JAZF1: variants seen among roughly 807,000 people sequenced by gnomAD.
JAZF1 encodes the protein JAZF zinc finger 1.
Under a neutral mutation model 26.4 loss-of-function variants are expected in JAZF1, and 8 were observed. That is an observed-to-expected ratio of 0.30 (90% CI 0.18 to 0.55). JAZF1 has a LOEUF of 0.55. JAZF1 is among the 20% of genes least tolerant of loss of function. JAZF1 has a pLI of 0.94. For missense variants in JAZF1, 199 were observed against 322.0 expected (o/e 0.62, Z 2.92); for synonymous variants, 126 against 122.3 (o/e 1.03, Z -0.20).
At chr7:28,093,257 T>C (rs1196604345) in intron 1 of JAZF1, among the ~76,000 whole-genome samples, 1 of 152,070 alleles carries the variant, frequency 6.6e-6, no homozygotes, top group Non-Finnish European at 1.5e-5. Context: ...GGGGGCGGTT[T>C]CCCCCATACT....
At chr7:28,107,758 G>A (rs530405712) in intron 1 of JAZF1, among the ~76,000 whole-genome samples, 5 of 152,276 alleles carry the variant, frequency 3.3e-5, no homozygotes, top group East Asian at 3.9e-4. Context: ...CACCATTTCC[G>A]TTGTTAGACA....
intron 1 of JAZF1, among the ~76,000 whole-genome samples, chr7:28,160,759 T>C (rs1313509918): frequency 1.3e-5 from 2 of 152,226 alleles, no homozygotes; most frequent in African/African-American, 4.8e-5. Flanking sequence ...TACCTCATGC[T>C]GCATCAGGTG....
rs543993434 is a variant in JAZF1 at position 27,875,316 on chromosome 7, T to C, written c.385+19904A>G. Among the ~76,000 whole-genome samples, 9 of 152,314 alleles carry C rather than the reference T, an allele frequency of 5.9e-5. No individual in the cohort carries two copies. The East Asian group carries it at 1.7e-3, about 29-fold the overall frequency. ...TCGTCCCAGCCTTACATCACTTTCC[T>C]CTTTCCTCGGCACAGCTGGAATAGA... On this transcript the variant is annotated intron_variant, in intron 3 of 4. Transcript: ENST00000283928.
chr7:27,958,042 T>C (rs1246022427), intron 2 of JAZF1, among the ~76,000 whole-genome samples: 1 of 152,180 alleles, frequency 6.6e-6, no homozygotes, highest in Admixed American at 6.5e-5. Flanking sequence ...AAATTATTAT[T>C]ATTTATCACA....
intron 1 of JAZF1, among the ~76,000 whole-genome samples, chr7:28,115,124 C>G (rs1171084271): frequency 6.6e-6 from 1 of 152,108 alleles, no homozygotes; most frequent in African/African-American, 2.4e-5. Flanking sequence ...GTAATTCTGG[C>G]AGACATGCTG....
Position 27,939,447 on chromosome 7 carries a change from C to A in JAZF1, c.189-44031G>T, listed in dbSNP as rs113130075. Among the ~76,000 whole-genome samples the A allele has an allele frequency of 8.4e-3, 1,275 of 152,298 alleles. 19 individuals carry two copies. Among genetic ancestry groups the A allele is most frequent in the African/African-American group, 0.029 (1,221 of 41,558 alleles). ...GTGGTTCCCAGGTCCTGCCATACCC[C>A]CAATACTCTGAGGGCCCCAAGCCAG... On this transcript the variant is annotated intron_variant, in intron 2 of 4. Coordinates refer to ENST00000283928, the MANE Select transcript of JAZF1 (RefSeq NM_175061.4).
At chr7:27,910,437 G>A (rs1236717149) in intron 2 of JAZF1, among the ~76,000 whole-genome samples, 2 of 152,158 alleles carry the variant, frequency 1.3e-5, no homozygotes, top group African/African-American at 4.8e-5. Flanking sequence ...TCTTGGAGGG[G>A]CCTCTGGACC....
At chr7:27,914,949 C>T in intron 2 of JAZF1, 1 of 397,856 alleles carries the variant, frequency 2.5e-6, no homozygotes, top group South Asian at 1.9e-5. Flanking sequence ...AGGATTTTAG[C>T]TGGTGAAGAA....
At chr7:28,178,599 T>C (rs1357636622) in intron 1 of JAZF1, among the ~76,000 whole-genome samples, 1 of 152,204 alleles carries the variant, frequency 6.6e-6, no homozygotes, top group Non-Finnish European at 1.5e-5. Flanking sequence ...GAACTTGAAC[T>C]AGTAACATTT....
intron 1 of JAZF1, among the ~76,000 whole-genome samples, chr7:28,057,519 A>T (rs1252668640): frequency 2.0e-5 from 3 of 152,196 alleles, no homozygotes; most frequent in African/African-American, 4.8e-5. Context: ...TGTTTTCTCT[A>T]TGAAAAGATT....
chr7:27,988,920 TAAAAA>T (rs57661404), intron 2 of JAZF1, among the ~76,000 whole-genome samples: 2 of 83,768 alleles, frequency 2.4e-5, no homozygotes, highest in African/African-American at 4.6e-5. Flanking sequence ...AGAATCTCTG[TAAAAA>T]AAAAAAAAAA....
chr7:27,847,532 G>A (rs1378232242), intron 3 of JAZF1, among the ~76,000 whole-genome samples: 1 of 152,140 alleles, frequency 6.6e-6, no homozygotes, highest in Non-Finnish European at 1.5e-5. Flanking sequence ...AATTACTGAA[G>A]AGACTATCCT....
chr7:27,893,310 T>A (rs1013803379), intron 3 of JAZF1, among the ~76,000 whole-genome samples: 1 of 152,202 alleles, frequency 6.6e-6, no homozygotes, highest in Non-Finnish European at 1.5e-5. Flanking sequence ...GACAGAGAAA[T>A]ACGTAAACTG....
At chr7:28,107,072 T>C (rs929910831) in intron 1 of JAZF1, among the ~76,000 whole-genome samples, 2 of 152,182 alleles carry the variant, frequency 1.3e-5, no homozygotes, top group Non-Finnish European at 2.9e-5. Context: ...AGCAGAAGCA[T>C]CTAAGCTTTG....
At chr7:27,905,951 CATAT>C (rs985528565) in intron 2 of JAZF1, among the ~76,000 whole-genome samples, 5 of 152,214 alleles carry the variant, frequency 3.3e-5, no homozygotes, top group East Asian at 3.9e-4. Context: ...ACTTGCATCA[CATAT>C]ATATAGTATT....
intron 2 of JAZF1, among the ~76,000 whole-genome samples, chr7:27,920,821 A>G (rs1784516209): frequency 6.6e-6 from 1 of 152,244 alleles, no homozygotes; most frequent in African/African-American, 2.4e-5. Context: ...AGAGAGGTCT[A>G]AATACCCGTA....
At chr7:27,955,036 G>A (rs185906919) in intron 2 of JAZF1, among the ~76,000 whole-genome samples, 1 of 152,308 alleles carries the variant, frequency 6.6e-6, no homozygotes, top group Non-Finnish European at 1.5e-5. Context: ...GGGATTACAG[G>A]CATGAGCCAC....
chr7:28,155,596 C>G (rs1783170258), intron 1 of JAZF1, among the ~76,000 whole-genome samples: 2 of 152,182 alleles, frequency 1.3e-5, no homozygotes, highest in Admixed American at 1.3e-4. Flanking sequence ...ATCCTTTCTT[C>G]CCTTTCAGAG....
chr7:28,107,775 T>C (rs1488039465), intron 1 of JAZF1, among the ~76,000 whole-genome samples: 4 of 152,176 alleles, frequency 2.6e-5, no homozygotes, highest in Non-Finnish European at 4.4e-5. Flanking sequence ...GACACACATA[T>C]CTAATGTAGT....
Sources: allele counts gnomAD v4.1 joint callset (sites outside exome capture counted in the v4.1 genomes callset), GRCh38; gene constraint gnomAD v4.1.1; transcripts MANE v1.5; gene names NCBI Gene and HGNC (gene_info 2026-07-23, HGNC 2026-07-21).